PCDH11X: variants seen among roughly 807,000 people sequenced by gnomAD.
The protein encoded by PCDH11X is protocadherin 11 X-linked.
Under a neutral mutation model 53.3 loss-of-function variants are expected in PCDH11X, and 18 were observed. The ratio of observed to expected loss-of-function variants is 0.34; its 90% CI spans 0.23 to 0.50. PCDH11X has a LOEUF of 0.50. Among genes scored for constraint, PCDH11X ranks in the 20% least tolerant of loss-of-function variants. The pLI is 0.98. For synonymous variants in PCDH11X, 279 were observed against 393.3 expected, an observed-to-expected ratio of 0.71 and a Z score of 3.44; for missense variants, 570 against 1,032.4, an observed-to-expected ratio of 0.55 and a Z score of 6.14.
chrX:92,452,475 A>ATG (rs1968633413), intron 9 of PCDH11X, among the ~76,000 whole-genome samples: 1 of 55,740 alleles, frequency 1.8e-5, no homozygotes, highest in African/African-American at 9.0e-5. Flanking sequence ...ATATATATAT[A>ATG]TATATATATA....
chrX:91,925,057 C>A (rs1417139057), intron 6 of PCDH11X, among the ~76,000 whole-genome samples: 1 of 109,516 alleles, frequency 9.1e-6, no homozygotes, highest in Non-Finnish European at 1.9e-5. Flanking sequence ...ACTAGGCAAA[C>A]ATTATAAACA....
At chrX:92,262,534 G>A (rs1038100189) in intron 7 of PCDH11X, among the ~76,000 whole-genome samples, 1 of 111,469 alleles carries the variant, frequency 9.0e-6, no homozygotes, top group Non-Finnish European at 1.9e-5. Flanking sequence ...AATGACTTCC[G>A]TGATGATATT....
intron 10 of PCDH11X, among the ~76,000 whole-genome samples, chrX:92,547,931 AT>A: frequency 9.2e-6 from 1 of 109,264 alleles, no homozygotes; most frequent in Non-Finnish European, 1.9e-5. Flanking sequence ...TTAAAATGTC[AT>A]TTTGGCAATA....
chrX:92,491,037 G>C (rs1156778282), intron 10 of PCDH11X, among the ~76,000 whole-genome samples: 1 of 108,492 alleles, frequency 9.2e-6, no homozygotes, highest in Non-Finnish European at 1.9e-5. Context: ...CTTGTCTTGT[G>C]GTCTGTTTTG....
At chrX:92,255,660 G>A (rs974223543) in intron 7 of PCDH11X, among the ~76,000 whole-genome samples, 2 of 110,864 alleles carry the variant, frequency 1.8e-5, no homozygotes, top group East Asian at 2.8e-4. Context: ...CCTTCTAACA[G>A]ACAGGACCCT....
intron 10 of PCDH11X, among the ~76,000 whole-genome samples, chrX:92,511,501 C>T (rs1167676665): frequency 8.9e-6 from 1 of 111,873 alleles, no homozygotes; most frequent in African/African-American, 3.2e-5. Flanking sequence ...TGCAACCAGT[C>T]TCAATGAAAT....
Position 92,064,939 on chromosome X carries a change from T to TG in PCDH11X, c.3034-136431dup, listed in dbSNP as rs773079947. Among the ~76,000 whole-genome samples, 9 of 104,079 alleles carry TG rather than the reference T, an allele frequency of 8.6e-5. No homozygotes were observed. The South Asian group carries it at 3.7e-3, about 43-fold the overall frequency. 90.4% of individuals were successfully genotyped at this position (104,079 alleles called of 115,157 possible). The stretch of plus-strand genomic sequence containing the variant: ...GCATGGCCTTCAGCATCAGGGACAT[T>TG]GGGGGTGCACTCCAGGATCTGAGGG... On this transcript the variant is annotated intron_variant, in intron 6 of 10. Coordinates refer to ENST00000682573, the MANE Select transcript of PCDH11X (RefSeq NM_032968.5).
At chrX:92,341,304 G>A (rs763242162) in intron 8 of PCDH11X, among the ~76,000 whole-genome samples, 10 of 111,141 alleles carry the variant, frequency 9.0e-5, no homozygotes, top group Admixed American at 3.8e-4. Context: ...GAGCCCTCCC[G>A]ACTCTTCAAA....
chrX:92,190,065 AT>A (rs2066167299), intron 6 of PCDH11X, among the ~76,000 whole-genome samples: 1 of 111,849 alleles, frequency 8.9e-6, no homozygotes, highest in Non-Finnish European at 1.9e-5. Context: ...CTTTAGTTTA[AT>A]TAGATCCCAT....
chrX:91,825,150 G>A (rs979723370), intron 4 of PCDH11X, among the ~76,000 whole-genome samples: 1 of 110,033 alleles, frequency 9.1e-6, no homozygotes, highest in Non-Finnish European at 1.9e-5. Context: ...CCTGCCCCCA[G>A]AGGTGGAGCC....
chrX:92,158,088 C>T (rs774826629), intron 6 of PCDH11X, among the ~76,000 whole-genome samples: 55 of 110,761 alleles, frequency 5.0e-4, no homozygotes, highest in African/African-American at 1.8e-3. Context: ...TGGTGGCAGG[C>T]ACCTGTAATC....
At chrX:91,807,150 G>A (rs1364490330) in intron 1 of PCDH11X, among the ~76,000 whole-genome samples, 4 of 91,330 alleles carry the variant, frequency 4.4e-5, no homozygotes, top group African/African-American at 1.2e-4. Flanking sequence ...GACCAGCCTG[G>A]GCAACATAGA....
At chrX:92,475,073 G>A (rs2073349270) in intron 10 of PCDH11X, among the ~76,000 whole-genome samples, 1 of 96,128 alleles carries the variant, frequency 1.0e-5, no homozygotes, top group African/African-American at 3.9e-5. Context: ...GCTGAGGCAG[G>A]AGAATGGCGT....
At chrX:92,187,951 G>A (rs1368418048) in intron 6 of PCDH11X, among the ~76,000 whole-genome samples, 1 of 111,436 alleles carries the variant, frequency 9.0e-6, no homozygotes, top group East Asian at 2.8e-4. Flanking sequence ...CCTAGGGAGG[G>A]TGAAACTTAC....
chrX:92,086,440 C>A lies in PCDH11X; in HGVS notation c.3034-114935C>A, dbSNP rs62605346. Among the ~76,000 whole-genome samples, 48 of 110,581 alleles carry A rather than the reference C, an allele frequency of 4.3e-4. 1 individual carries two copies. Among genetic ancestry groups the A allele is most frequent in the African/African-American group, 1.4e-3 (42 of 30,549 alleles). ...TAATTAGAGACTCCACTTCTCCTCA[C>A]GTCTTTGAAGTGGAATATTCTTTGG... On this transcript the variant is annotated intron_variant, in intron 6 of 10. Coordinates refer to ENST00000682573, the MANE Select transcript of PCDH11X (RefSeq NM_032968.5).
At chrX:92,418,747 A>G (rs1569483761) in intron 9 of PCDH11X, among the ~76,000 whole-genome samples, 1 of 108,439 alleles carries the variant, frequency 9.2e-6, no homozygotes, top group East Asian at 2.9e-4. Flanking sequence ...ACACACCACT[A>G]TGCCTGGTTA....
intron 10 of PCDH11X, among the ~76,000 whole-genome samples, chrX:92,559,120 G>A (rs920947643): frequency 2.7e-5 from 3 of 110,847 alleles, no homozygotes; most frequent in African/African-American, 9.8e-5. Flanking sequence ...AGACATTTGG[G>A]TATTTTGTAA....
intron 4 of PCDH11X, among the ~76,000 whole-genome samples, chrX:91,828,204 C>G (rs1237126255): frequency 9.6e-6 from 1 of 104,688 alleles, no homozygotes; most frequent in Non-Finnish European, 1.9e-5. Context: ...ACTGCAAGCT[C>G]CGCCTCCCGG....
intron 6 of PCDH11X, among the ~76,000 whole-genome samples, chrX:92,117,035 A>G (rs1298094093): frequency 1.8e-5 from 2 of 109,127 alleles, no homozygotes; most frequent in Non-Finnish European, 3.8e-5. Flanking sequence ...GAACCTGAAC[A>G]TGTTTTTCTA....
Sources: allele counts gnomAD v4.1 joint callset (sites outside exome capture counted in the v4.1 genomes callset), GRCh38; gene constraint gnomAD v4.1.1; transcripts MANE v1.5; gene names NCBI Gene and HGNC (gene_info 2026-07-23, HGNC 2026-07-21).